WNT6: variants seen among roughly 807,000 people sequenced by gnomAD.
The protein encoded by WNT6 is Wnt family member 6, also known as protein Wnt-6.
Under a neutral mutation model 33.1 loss-of-function variants are expected in WNT6, and 27 were observed. That is an observed-to-expected ratio of 0.82 (90% CI 0.60 to 1.12). The LOEUF is 1.12. WNT6 is among the 50% of genes most tolerant of loss of function. WNT6 has a pLI of 0.00. For synonymous variants in WNT6, 249 were observed against 242.8 expected, an observed-to-expected ratio of 1.03 and a Z score of -0.24; for missense variants, 494 against 535.3, an observed-to-expected ratio of 0.92 and a Z score of 0.76.
chr2:218,867,753 T>G lies in WNT6; in HGVS notation c.81-3274T>G, dbSNP rs1289363715. Among the ~76,000 whole-genome samples the G allele has an allele frequency of 6.6e-6, 1 of 152,188 alleles. No individual in the cohort carries two copies. Among genetic ancestry groups the G allele is most frequent in the Non-Finnish European group, 1.5e-5 (1 of 68,032 alleles). On this transcript the variant is annotated intron_variant, in intron 1 of 3. Transcript: ENST00000233948. This position sits in a 1 kb window ranked among gnomAD's most constrained non-coding sequence, Gnocchi z 4.9. The stretch of plus-strand genomic sequence containing the variant: ...CTAGGCCAATGCTGACCCAAAGGCC[T>G]GAAAAGCAGAGTTCACTCCCTAAGG...
Position 218,859,945 on chromosome 2 carries a change from G to T in WNT6, c.-93G>T, listed in dbSNP as rs1325599891. On this transcript the variant is annotated 5_prime_UTR_variant, in exon 1 of 4. Transcript: ENST00000233948. Reference sequence around the variant, plus strand: ...CCTCCCGGCCGCCGCCGTTGCGCTCGCCGCGCTCGCACTGAAGCCCGGGCC... The same window carrying T: ...CCTCCCGGCCGCCGCCGTTGCGCTCTCCGCGCTCGCACTGAAGCCCGGGCC... 2 of 1,092,188 alleles carry T rather than the reference G, an allele frequency of 1.8e-6. No individual in the cohort carries two copies. The highest frequency in any genetic ancestry group is 2.3e-6 in the Non-Finnish European group (2 of 878,000). The allele number at this position is 1,092,188 out of a possible 1,614,324, so 67.7% of individuals were successfully genotyped here.
rs141494427 is a variant in WNT6 at position 218,871,647 on chromosome 2, C to G, written c.464C>G (p.Pro155Arg). The G allele has an allele frequency of 0.07, 104,530 of 1,498,220 alleles. 4,249 individuals are homozygous for G. Among genetic ancestry groups the G allele is most frequent in the Middle Eastern group, 0.1 (436 of 4,286 alleles). The allele number at this position is 1,498,220 out of a possible 1,614,324, so 92.8% of individuals were successfully genotyped here. A position where few individuals can be genotyped will look rare whatever the true frequency, so the allele number is the denominator to read the frequency against. Reference protein sequence around the residue: ...PSGLPGTPGPPGPAGSPEGSA... With the variant: ...PSGLPGTPGPRGPAGSPEGSA... Reference sequence around the variant, plus strand: ...GGCCTGCCCGGCACCCCCGGACCCCCTGGCCCCGCGGGCTCCCCGGAAGGC... The same window carrying G: ...GGCCTGCCCGGCACCCCCGGACCCCGTGGCCCCGCGGGCTCCCCGGAAGGC... The change falls in exon 3 of 4, where the codon CCT becomes CGT. Residue 155 changes from proline (P) to arginine (R), a missense_variant. Physicochemically the swap from Pro to Arg is moderately radical, Grantham distance 103. Transcript: ENST00000233948. The surrounding 1 kb of genome is among the most constrained non-coding windows in gnomAD (Gnocchi z 6.4).
chr2:218,868,798 A>G (rs920719782), intron 1 of WNT6, among the ~76,000 whole-genome samples: 7 of 152,138 alleles, frequency 4.6e-5, no homozygotes, highest in Admixed American at 3.3e-4. Context: ...TTGTAATGAA[A>G]ATTGGGGTTG....
Position 218,871,077 on chromosome 2 carries a change from C to T in WNT6, c.131C>T (p.Ala44Val), listed in dbSNP as rs1241626877. 3 of 1,613,472 alleles carry T rather than the reference C, an allele frequency of 1.9e-6. No homozygotes were observed. Among genetic ancestry groups the T allele is most frequent in the Admixed American group, 1.7e-5 (1 of 59,984 alleles). Residue 44 changes from alanine (A) to valine (V), a missense_variant, in exon 2 of 4, where the codon GCA becomes GTA. By Grantham distance (64) the Ala-to-Val change is moderately conservative. Transcript: ENST00000233948. This position sits in a 1 kb window ranked among gnomAD's most constrained non-coding sequence, Gnocchi z 6.4. Reference protein sequence around the residue: ...VMDPTSICRKARRLAGRQAEL... With the variant: ...VMDPTSICRKVRRLAGRQAEL... ...GACCCTACCAGCATCTGCAGGAAGG[C>T]ACGGCGGCTGGCCGGGCGGCAGGCC... is the stretch of plus-strand genomic sequence containing the variant.
intron 1 of WNT6, 96 bp from the exon 2 acceptor site, chr2:218,870,931 G>A: frequency 8.2e-7 from 1 of 1,225,554 alleles, no homozygotes; most frequent in South Asian, 1.5e-5. Flanking sequence ...GCATGTCACA[G>A]CTCCCGCTGC....
chr2:218,871,195 C>T lies in WNT6; in HGVS notation c.249C>T (p.Arg83=), dbSNP rs894700518. 6.2e-7 allele frequency: 1 copy of T among 1,613,590 alleles called. No individual in the cohort carries two copies. Residue 83 remains arginine, a synonymous_variant, in exon 2 of 4, where the codon CGC becomes CGT. Transcript: ENST00000233948. The surrounding 1 kb of genome is among the most constrained non-coding windows in gnomAD (Gnocchi z 6.4). ...AGTGCCAGTTCCAGTTCCGCTTCCGCCGCTGGAATTGCTCCAGCCACAGCA... is the reference window on the plus strand; with the variant it reads ...AGTGCCAGTTCCAGTTCCGCTTCCGTCGCTGGAATTGCTCCAGCCACAGCA... ...VRECQFQFRF[R]RWNCSSHSKA... is the part of the protein sequence containing the mutation.
At chr2:218,869,224 G>GCATGCGTGCA (rs1221264861) in intron 1 of WNT6, among the ~76,000 whole-genome samples, 2 of 152,044 alleles carry the variant, frequency 1.3e-5, no homozygotes, top group African/African-American at 4.8e-5. Context: ...GTGTGCGTGC[G>GCATGCGTGCA]CATGCGTGCA....
rs1478825467 is a variant in WNT6, at chr2:218,871,601, C to T, written c.418C>T (p.Arg140Trp). 3 of 1,502,680 alleles carry T rather than the reference C, an allele frequency of 2.0e-6. No homozygotes were observed. The highest frequency in any genetic ancestry group is 2.2e-5 in the Admixed American group (1 of 44,484). 93.1% of individuals were successfully genotyped at this position (1,502,680 alleles called of 1,614,324 possible). ...GTGCGGCTGCCAGGCGCCCCGCGGG[C>T]GGGCCCCTCCCCGGCCCTCCGGCCT... ...LQCGCQAPRG[R>W]APPRPSGLPG... Residue 140 changes from arginine to tryptophan, a missense_variant, in exon 3 of 4, where the codon CGG becomes TGG. Arg to Trp is a moderately radical substitution (Grantham distance 101, BLOSUM62 -3). Transcript: ENST00000233948. The surrounding 1 kb of genome is among the most constrained non-coding windows in gnomAD (Gnocchi z 6.4).
At chr2:218,868,270 G>T (rs558356973) in intron 1 of WNT6, among the ~76,000 whole-genome samples, 30 of 152,232 alleles carry the variant, frequency 2.0e-4, no homozygotes, top group African/African-American at 6.5e-4. Context: ...TGATTCTCCC[G>T]TCTCTAGTCC....
rs1944430148 is a variant in WNT6 at position 218,873,832 on chromosome 2, G to A, written c.1085G>A (p.Ser362Asn). ...CHRCRVRKEL[S>N]LCL ...CGCTGCCGTGTGCGCAAGGAGCTCA[G>A]CCTCTGCCTGTGACCCGCCGCCCGG... is the stretch of plus-strand genomic sequence containing the variant. The change falls in exon 4 of 4, where the codon AGC becomes AAC. Residue 362 changes from serine (S) to asparagine (N), a missense_variant. Transcript: ENST00000233948. The surrounding 1 kb of genome is among the most constrained non-coding windows in gnomAD (Gnocchi z 6.1). 2.0e-6 allele frequency: 3 copies of A among 1,510,110 alleles called. No individual in the cohort carries two copies. The highest frequency in any genetic ancestry group is 1.8e-6 in the Non-Finnish European group (2 of 1,134,958). 93.5% of individuals were successfully genotyped at this position (1,510,110 alleles called of 1,614,324 possible).
chr2:218,866,788 G>C (rs1236987828), intron 1 of WNT6, among the ~76,000 whole-genome samples: 2 of 152,156 alleles, frequency 1.3e-5, no homozygotes, highest in African/African-American at 4.8e-5. Context: ...AAGTCTGGTG[G>C]ATCCCAAAAA....
chr2:218,859,926 G>T lies in WNT6; in HGVS notation c.-112G>T. On this transcript the variant is annotated 5_prime_UTR_variant, in exon 1 of 4. Coordinates refer to ENST00000233948, the MANE Select transcript of WNT6 (RefSeq NM_006522.4). ...GCCGCCGCCGGATCCCTCGCCTCCC[G>T]GCCGCCGCCGTTGCGCTCGCCGCGC... is the stretch of plus-strand genomic sequence containing the variant. 1 of 912,692 alleles carries T rather than the reference G, an allele frequency of 1.1e-6. No homozygotes were observed. The highest frequency in any genetic ancestry group is 1.4e-6 in the Non-Finnish European group (1 of 726,406). 56.5% of individuals were successfully genotyped at this position (912,692 alleles called of 1,614,324 possible).
Position 218,871,551 on chromosome 2 carries a change from C to T in WNT6, c.368C>T (p.Ala123Val). 1 of 1,597,330 alleles carries T rather than the reference C, an allele frequency of 6.3e-7. No individual in the cohort carries two copies. The highest frequency in any genetic ancestry group is 8.5e-7 in the Non-Finnish European group (1 of 1,178,694). Residue 123 changes from alanine (A) to valine (V), a missense_variant, in exon 3 of 4, where the codon GCC becomes GTC. Ala to Val is a moderately conservative substitution (Grantham distance 64). Coordinates refer to ENST00000233948, the MANE Select transcript of WNT6 (RefSeq NM_006522.4). The surrounding 1 kb of genome is among the most constrained non-coding windows in gnomAD (Gnocchi z 6.4). The stretch of plus-strand genomic sequence containing the variant: ...GGCGCCAGCCACGCCGTCACGCAGG[C>T]CTGTTCTATGGGCGAGCTGCTGCAG... ...AAGASHAVTQ[A>V]CSMGELLQCG...
At position 218,871,516 on chromosome 2, in the gene WNT6, C is replaced by G. The variant is rs781404768; in HGVS notation, c.333C>G (p.Ile111Met). ...GGGAGACGGCCTTCGTGTTCGCCAT[C>G]ACTGCGGCCGGCGCCAGCCACGCCG... ...DIRETAFVFA[I>M]TAAGASHAVT... is the part of the protein sequence containing the mutation. The change falls in exon 3 of 4, where the codon ATC (isoleucine) becomes ATG (methionine). Residue 111 changes from isoleucine (I) to methionine (M), a missense_variant. By Grantham distance (10) the Ile-to-Met change is conservative. Coordinates refer to ENST00000233948, the MANE Select transcript of WNT6 (RefSeq NM_006522.4). The surrounding 1 kb of genome is among the most constrained non-coding windows in gnomAD (Gnocchi z 6.4). The G allele has an allele frequency of 6.3e-7, 1 of 1,597,836 alleles. No individual in the cohort carries two copies. Among genetic ancestry groups the G allele is most frequent in the South Asian group, 1.1e-5 (1 of 91,006 alleles).
At chr2:218,862,684 C>T (rs1052264687) in intron 1 of WNT6, among the ~76,000 whole-genome samples, 1 of 149,888 alleles carries the variant, frequency 6.7e-6, no homozygotes, top group Admixed American at 6.7e-5. Flanking sequence ...CATGGCATTA[C>T]CATGCCCAGC....
intron 1 of WNT6, among the ~76,000 whole-genome samples, chr2:218,866,000 G>A (rs1448288057): frequency 6.6e-6 from 1 of 151,858 alleles, no homozygotes; most frequent in Non-Finnish European, 1.5e-5. Flanking sequence ...GTGGTGGTTT[G>A]GGTGGGGGTA....
intron 1 of WNT6, among the ~76,000 whole-genome samples, chr2:218,868,017 C>T (rs1354756156): frequency 6.6e-6 from 1 of 152,158 alleles, no homozygotes; most frequent in Non-Finnish European, 1.5e-5. Context: ...CACGCCCCTT[C>T]TGGAGTTTCA....
rs773422391 is a variant in WNT6, at chr2:218,867,976, G to A, written c.81-3051G>A. 2.0e-5 allele frequency among the ~76,000 whole-genome samples: 3 copies of A among 152,228 alleles called. No homozygotes were observed. Among genetic ancestry groups the A allele is most frequent in the Non-Finnish European group, 4.4e-5 (3 of 68,044 alleles). Reference sequence around the variant, plus strand: ...TTGACAGAAACCAGAGATCGGAAGCGAAGCTTGGTGTTTTGCCCAATGCCC... The same window carrying A: ...TTGACAGAAACCAGAGATCGGAAGCAAAGCTTGGTGTTTTGCCCAATGCCC... On this transcript the variant is annotated intron_variant, in intron 1 of 3. Coordinates refer to ENST00000233948, the MANE Select transcript of WNT6 (RefSeq NM_006522.4). This position sits in a 1 kb window ranked among gnomAD's most constrained non-coding sequence, Gnocchi z 4.9.
Position 218,867,744 on chromosome 2 carries a change from C to T in WNT6, c.81-3283C>T, listed in dbSNP as rs1001269714. Reference sequence around the variant, plus strand: ...GGGCTGATCCTAGGCCAATGCTGACCCAAAGGCCTGAAAAGCAGAGTTCAC... The same window carrying T: ...GGGCTGATCCTAGGCCAATGCTGACTCAAAGGCCTGAAAAGCAGAGTTCAC... On this transcript the variant is annotated intron_variant, in intron 1 of 3. Transcript: ENST00000233948. This position sits in a 1 kb window ranked among gnomAD's most constrained non-coding sequence, Gnocchi z 4.9. Among the ~76,000 whole-genome samples the T allele has an allele frequency of 3.3e-5, 5 of 152,060 alleles. No homozygotes were observed. The highest frequency in any genetic ancestry group is 2.0e-4 in the Admixed American group (3 of 15,260).
Sources: allele counts gnomAD v4.1 joint callset (sites outside exome capture counted in the v4.1 genomes callset), GRCh38; gene constraint gnomAD v4.1.1; non-coding constraint Gnocchi (gnomAD v3.1); transcripts MANE v1.5; gene names NCBI Gene and HGNC (gene_info 2026-07-23, HGNC 2026-07-21).